The following HSDL1 variants were observed in gnomAD, a reference collection of about 807,000 sequenced individuals.
HSDL1 encodes inactive hydroxysteroid dehydrogenase-like protein 1.
Under a neutral mutation model 31.5 loss-of-function variants are expected in HSDL1, and 29 were observed. The observed-to-expected ratio is 0.92, with a 90% CI of 0.69 to 1.26. The LOEUF (loss-of-function observed/expected upper bound fraction) is 1.26, where lower values mean the gene tolerates loss of function less well. Among genes scored for constraint, HSDL1 ranks in the 50% most tolerant of loss-of-function variants. The pLI is 0.00. For synonymous variants in HSDL1, 222 were observed against 155.2 expected, an observed-to-expected ratio of 1.43 and a Z score of -3.20; for missense variants, 503 against 416.6, an observed-to-expected ratio of 1.21 and a Z score of -1.81.
chr16:84,125,496 A>C (rs1479623291), intron 5 of HSDL1, among the ~76,000 whole-genome samples: 1 of 151,670 alleles, frequency 6.6e-6, no homozygotes, highest in African/African-American at 2.4e-5. Context: ...ATCGATCCCA[A>C]CAAATACCCA....
rs759241264 is a variant in HSDL1, at chr16:84,130,092, A to C, written c.560T>G (p.Val187Gly). The C allele has an allele frequency of 6.2e-7, 1 of 1,614,084 alleles. No homozygotes were observed. The highest frequency in any genetic ancestry group is 8.5e-7 in the Non-Finnish European group (1 of 1,180,042). Residue 187 changes from valine (V) to glycine (G), a missense_variant, in exon 4 of 6, where the codon GTT (valine) becomes GGT (glycine). Physicochemically the swap from Val to Gly is moderately radical, Grantham distance 109 (BLOSUM62 -3). Transcript: ENST00000219439. ...NIAAASLMVH[V>G]VLPGMVERKK... ...TCTCTCCACCATTCCCGGTAACACA[A>C]CATGGACCATCAAACTAGCGGCGGC... is the stretch of plus-strand genomic sequence containing the variant.
chr16:84,127,317 G>C (rs903751763), intron 5 of HSDL1, among the ~76,000 whole-genome samples: 1 of 147,160 alleles, frequency 6.8e-6, no homozygotes, highest in African/African-American at 2.5e-5. Context: ...CTGGGTTCAA[G>C]CGATTCTCAT....
chr16:84,124,789 A>G, intron 5 of HSDL1, 61 bp from the exon 6 acceptor site: 1 of 1,117,878 alleles, frequency 8.9e-7, no homozygotes, highest in African/African-American at 1.5e-5. Context: ...TGAAGGAACA[A>G]GTACACAGAC....
intron 1 of HSDL1, among the ~76,000 whole-genome samples, chr16:84,141,474 C>T (rs1465667125): frequency 6.6e-6 from 1 of 152,256 alleles, no homozygotes; most frequent in East Asian, 1.9e-4. Context: ...CAGTTAGGAA[C>T]AGTGCTGCAG....
chr16:84,134,717 T>G (rs965107461), intron 2 of HSDL1, among the ~76,000 whole-genome samples: 6 of 152,192 alleles, frequency 3.9e-5, no homozygotes, highest in African/African-American at 1.4e-4. Context: ...GGGTGCCTTT[T>G]GTCATAACTA....
At chr16:84,144,574 T>C (rs2086818988) in intron 1 of HSDL1, 1 of 152,226 alleles carries the variant, frequency 6.6e-6, no homozygotes, top group East Asian at 1.9e-4. Context: ...ATTTCCATTT[T>C]AGAAAAACAC....
At chr16:84,138,705 A>T (rs1376120978) in intron 1 of HSDL1, among the ~76,000 whole-genome samples, 1 of 152,248 alleles carries the variant, frequency 6.6e-6, no homozygotes, top group Non-Finnish European at 1.5e-5. Flanking sequence ...GAACAAAACA[A>T]AACCACAACT....
At chr16:84,133,153 T>C (rs2086683729) in intron 2 of HSDL1, among the ~76,000 whole-genome samples, 1 of 151,812 alleles carries the variant, frequency 6.6e-6, no homozygotes. Flanking sequence ...AATGAACCAC[T>C]GAAACGGAAC....
At chr16:84,143,327 G>T (rs1250969700) in intron 1 of HSDL1, among the ~76,000 whole-genome samples, 1 of 152,188 alleles carries the variant, frequency 6.6e-6, no homozygotes, top group Non-Finnish European at 1.5e-5. Context: ...AAAACATTAT[G>T]CTAAAGGACA....
chr16:84,144,451 C>G (rs2086815952), intron 1 of HSDL1: 1 of 152,420 alleles, frequency 6.6e-6, no homozygotes, highest in Non-Finnish European at 1.5e-5. Context: ...GTGGCACGTT[C>G]AGAACGGGGA....
At position 84,124,674 on chromosome 16, in the gene HSDL1, G is replaced by C. The variant is rs2086585309; in HGVS notation, c.949C>G (p.Leu317Val). 6.2e-7 allele frequency: 1 copy of C among 1,613,782 alleles called. No homozygotes were observed. Among genetic ancestry groups the C allele is most frequent in the Non-Finnish European group, 8.5e-7 (1 of 1,179,800 alleles). The change falls in exon 6 of 6, where the codon CTC (leucine) becomes GTC (valine). Residue 317 changes from leucine (L) to valine (V), a missense_variant. Physicochemically the swap from Leu to Val is conservative, Grantham distance 32. Coordinates refer to ENST00000219439, the MANE Select transcript of HSDL1 (RefSeq NM_031463.5). ...EWLWVWGANI[L>V]NRSLRKEALS... ...GCTTCCTTACGTAGTGAACGGTTGA[G>C]AATATTTGCTCCCCACACCCAGAGC...
chr16:84,125,376 C>A (rs2086596009), intron 5 of HSDL1, among the ~76,000 whole-genome samples: 1 of 150,760 alleles, frequency 6.6e-6, no homozygotes, highest in Non-Finnish European at 1.5e-5. Context: ...ATCACAATAC[C>A]CACCAATCAA....
chr16:84,135,126 A>G (rs2086700530), intron 2 of HSDL1, among the ~76,000 whole-genome samples: 2 of 151,966 alleles, frequency 1.3e-5, no homozygotes, highest in Admixed American at 6.6e-5. Flanking sequence ...CCAGCTACTC[A>G]GGAGGCTGAG....
rs1266863235 is a variant in HSDL1, at chr16:84,129,648, C to T, written c.794G>A (p.Cys265Tyr). The T allele has an allele frequency of 6.2e-7, 1 of 1,614,180 alleles. No homozygotes were observed. The highest frequency in any genetic ancestry group is 8.5e-7 in the Non-Finnish European group (1 of 1,180,046). ...TTTTGGCGAAGGCACCAACCACGAGCACCTGTGCAGAAAGTTGCTGGGTGC... is the reference window on the plus strand; with the variant it reads ...TTTTGGCGAAGGCACCAACCACGAGTACCTGTGCAGAAAGTTGCTGGGTGC... ...MTAPSNFLHR[C>Y]SWLVPSPKVY... Residue 265 changes from cysteine to tyrosine, a missense_variant, in exon 5 of 6, where the codon TGC (cysteine) becomes TAC (tyrosine). Transcript: ENST00000219439.
At position 84,131,577 on chromosome 16, in the gene HSDL1, C is replaced by T. The variant is rs953432606; in HGVS notation, c.-6-250G>A. On this transcript the variant is annotated intron_variant, in intron 2 of 5. Coordinates refer to ENST00000219439, the MANE Select transcript of HSDL1 (RefSeq NM_031463.5). ...TCGCCCAGGCTGGAGTGCAGTGGTG[C>T]GATTTTGGCTCACTGCAACCTCCAC... Among the ~76,000 whole-genome samples the T allele has an allele frequency of 3.3e-5, 5 of 152,090 alleles. No homozygotes were observed. The East Asian group carries it at 7.7e-4, about 23-fold the overall frequency.
intron 2 of HSDL1, among the ~76,000 whole-genome samples, chr16:84,131,553 C>T (rs1597375235): frequency 6.6e-6 from 1 of 152,190 alleles, no homozygotes. Context: ...CTCACCCTGT[C>T]GCCCAGGCTG....
At chr16:84,142,055 G>A (rs531156332) in intron 1 of HSDL1, among the ~76,000 whole-genome samples, 6 of 152,222 alleles carry the variant, frequency 3.9e-5, no homozygotes, top group Admixed American at 2.0e-4. Flanking sequence ...AGCATCTCAA[G>A]TAGCTGGGAC....
chr16:84,142,430 CTTTTT>C (rs34954052), intron 1 of HSDL1, among the ~76,000 whole-genome samples: 3 of 81,410 alleles, frequency 3.7e-5, no homozygotes, highest in Non-Finnish European at 6.2e-5. Context: ...TCTCACACAT[CTTTTT>C]TTTTTTTTTT....
intron 1 of HSDL1, among the ~76,000 whole-genome samples, chr16:84,139,904 A>G (rs576818283): frequency 6.6e-6 from 1 of 152,176 alleles, no homozygotes; most frequent in Non-Finnish European, 1.5e-5. Context: ...ATTTTTCCAA[A>G]TAAATCTTAA....
Sources: allele counts gnomAD v4.1 joint callset (sites outside exome capture counted in the v4.1 genomes callset), GRCh38; gene constraint gnomAD v4.1.1; transcripts MANE v1.5; gene names NCBI Gene and HGNC (gene_info 2026-07-23, HGNC 2026-07-21).